DLG2: variants seen among roughly 807,000 people sequenced by gnomAD.
The protein encoded by DLG2 is discs large MAGUK scaffold protein 2.
DLG2 carries 45 observed loss-of-function variants against 132.5 expected under a neutral mutation model. That is an observed-to-expected ratio of 0.34 (90% CI 0.27 to 0.44). The LOEUF is 0.44. Among genes scored for constraint, DLG2 ranks in the 20% least tolerant of loss-of-function variants. The probability of loss-of-function intolerance (pLI) is 1.00; values close to 1 mark genes in which losing one functional copy is unlikely to be tolerated. For synonymous variants in DLG2, 424 were observed against 419.6 expected (o/e 1.01, Z -0.13); for missense variants, 1,045 against 1,196.9 (o/e 0.87, Z 1.87).
intron 6 of DLG2, among the ~76,000 whole-genome samples, chr11:84,719,298 A>T (rs2061541614): frequency 6.6e-6 from 1 of 152,210 alleles, no homozygotes; most frequent in Non-Finnish European, 1.5e-5. Flanking sequence ...TGTGATATAC[A>T]TTCACTTAGA....
At chr11:85,534,920 T>G (rs989186222) in intron 3 of DLG2, among the ~76,000 whole-genome samples, 8 of 152,228 alleles carry the variant, frequency 5.3e-5, no homozygotes, top group African/African-American at 1.9e-4. Context: ...TTCACACTGT[T>G]TTCCACAAGG....
chr11:85,100,860 C>T (rs551700983), intron 6 of DLG2, among the ~76,000 whole-genome samples: 22 of 152,174 alleles, frequency 1.4e-4, no homozygotes, highest in African/African-American at 3.9e-4. Flanking sequence ...GGCTCATAAA[C>T]GTGAATCATC....
At chr11:83,509,958 G>T (rs1254359843) in intron 21 of DLG2, among the ~76,000 whole-genome samples, 1 of 152,166 alleles carries the variant, frequency 6.6e-6, no homozygotes, top group African/African-American at 2.4e-5. Context: ...AAGATACTTT[G>T]CTTGTGGGGC....
intron 14 of DLG2, among the ~76,000 whole-genome samples, chr11:83,931,506 C>T (rs1481252517): frequency 6.6e-6 from 1 of 152,178 alleles, no homozygotes; most frequent in African/African-American, 2.4e-5. Context: ...ACCTCAGTAG[C>T]ACCATATTCT....
At chr11:84,610,728 T>A (rs1444536111) in intron 6 of DLG2, among the ~76,000 whole-genome samples, 1 of 152,096 alleles carries the variant, frequency 6.6e-6, no homozygotes, top group African/African-American at 2.4e-5. Context: ...AGCCTATTCA[T>A]CTTTTCTGGG....
At chr11:85,382,382 T>C (rs536528178) in intron 3 of DLG2, among the ~76,000 whole-genome samples, 1 of 152,210 alleles carries the variant, frequency 6.6e-6, no homozygotes, top group South Asian at 2.1e-4. Flanking sequence ...ATGGATGAAA[T>C]ACCCAAATTT....
chr11:84,179,804 C>T (rs1200682247), intron 8 of DLG2, among the ~76,000 whole-genome samples: 2 of 152,042 alleles, frequency 1.3e-5, no homozygotes, highest in African/African-American at 4.8e-5. Context: ...ACCCTCTAGC[C>T]ATCCTGTCTC....
intron 15 of DLG2, among the ~76,000 whole-genome samples, chr11:83,918,312 C>T (rs966764432): frequency 4.6e-5 from 7 of 152,122 alleles, no homozygotes; most frequent in Non-Finnish European, 7.4e-5. Context: ...GGTCTTTGAT[C>T]GGAGGTTCAT....
At chr11:84,682,818 G>A (rs1198461206) in intron 6 of DLG2, among the ~76,000 whole-genome samples, 1 of 152,136 alleles carries the variant, frequency 6.6e-6, no homozygotes, top group Non-Finnish European at 1.5e-5. Context: ...TGCCTCTATT[G>A]CTCTGATCTC....
At chr11:83,839,568 T>C (rs1595218423) in intron 16 of DLG2, among the ~76,000 whole-genome samples, 9 of 152,222 alleles carry the variant, frequency 5.9e-5, no homozygotes, top group Admixed American at 5.9e-4. Flanking sequence ...CTAGTCTCTT[T>C]GCTGTAAGTT....
intron 4 of DLG2, among the ~76,000 whole-genome samples, chr11:85,258,017 C>T (rs1431726865): frequency 2.0e-5 from 3 of 152,138 alleles, no homozygotes; most frequent in African/African-American, 7.2e-5. Context: ...ACTCTAAGGA[C>T]TCAGGAACTG....
chr11:85,307,230 A>C (rs2080012799), intron 3 of DLG2, among the ~76,000 whole-genome samples: 1 of 152,184 alleles, frequency 6.6e-6, no homozygotes. Flanking sequence ...ACCACCAAAA[A>C]TGGAACGGAA....
intron 5 of DLG2, among the ~76,000 whole-genome samples, chr11:85,135,048 C>A (rs1042331724): frequency 2.6e-4 from 39 of 152,266 alleles, no homozygotes; most frequent in Admixed American, 2.2e-3. Context: ...TACATCATCA[C>A]AATAATTATT....
chr11:84,361,058 G>C (rs1298906795), intron 7 of DLG2, among the ~76,000 whole-genome samples: 1 of 151,890 alleles, frequency 6.6e-6, no homozygotes, highest in East Asian at 1.9e-4. Flanking sequence ...AATAGTGACG[G>C]AAACTGTTTA....
chr11:85,402,805 C>T, intron 3 of DLG2, among the ~76,000 whole-genome samples: 1 of 152,074 alleles, frequency 6.6e-6, no homozygotes, highest in Non-Finnish European at 1.5e-5. Flanking sequence ...CCATCTCACG[C>T]CAGTTAGAAT....
rs2096541456 is a variant in DLG2 at position 84,058,519 on chromosome 11, A to AATAATAATAATG, written c.919+795_919+796insCATTATTATTAT. On this transcript the variant is annotated intron_variant, in intron 11 of 27. Transcript: ENST00000376104. ...AAAAAACAAATACAATAATAATAAT[A>AATAATAATAATG]ATAATAATAATAATAATAATAACCA... Among the ~76,000 whole-genome samples the AATAATAATAATG allele has an allele frequency of 2.0e-5, 3 of 147,136 alleles. No homozygotes were observed. The South Asian group carries it at 6.4e-4, about 31-fold the overall frequency.
At chr11:84,240,505 G>A (rs2097212538) in intron 8 of DLG2, among the ~76,000 whole-genome samples, 1 of 152,100 alleles carries the variant, frequency 6.6e-6, no homozygotes. Context: ...AATCAAAAGA[G>A]CCCAGACTCC....
chr11:84,526,523 A>G (rs1020149103), intron 7 of DLG2, among the ~76,000 whole-genome samples: 3 of 152,186 alleles, frequency 2.0e-5, no homozygotes, highest in Non-Finnish European at 2.9e-5. Context: ...TTCAGCTACC[A>G]GAGGTCAACT....
At position 83,932,529 on chromosome 11, in the gene DLG2, C is replaced by T. The variant is rs539847233; in HGVS notation, c.1341-2046G>A. ...GATTACAGGCGTGAGCCACCGCGCC[C>T]GGCATATCTAATGGTTTTATTACAG... is the stretch of plus-strand genomic sequence containing the variant. On this transcript the variant is annotated intron_variant, in intron 14 of 27. Transcript: ENST00000376104. 1.1e-4 allele frequency among the ~76,000 whole-genome samples: 17 copies of T among 152,208 alleles called. 1 individual carries two copies. The highest frequency in any genetic ancestry group is 1.0e-3 in the Admixed American group (16 of 15,296).
Sources: allele counts gnomAD v4.1 joint callset (sites outside exome capture counted in the v4.1 genomes callset), GRCh38; gene constraint gnomAD v4.1.1; transcripts MANE v1.5; gene names NCBI Gene and HGNC (gene_info 2026-07-23, HGNC 2026-07-21).